DIS3L2: variants seen among roughly 807,000 people sequenced by gnomAD.
The protein encoded by DIS3L2 is DIS3 like 3'-5' exoribonuclease 2, also known as DIS3-like exonuclease 2.
Under a neutral mutation model 97.5 loss-of-function variants are expected in DIS3L2, and 34 were observed. That is an observed-to-expected ratio of 0.35 (90% CI 0.27 to 0.46). DIS3L2 has a LOEUF of 0.46. DIS3L2 is among the 20% of genes least tolerant of loss of function. The probability of loss-of-function intolerance (pLI) is 1.00; values close to 1 mark genes in which losing one functional copy is unlikely to be tolerated. For missense variants in DIS3L2, 1,038 were observed against 1,146.0 expected (o/e 0.91, Z 1.36); for synonymous variants, 435 against 445.2 (o/e 0.98, Z 0.29).
chr2:232,181,849 A>G (rs563249101), intron 9 of DIS3L2, among the ~76,000 whole-genome samples: 182 of 151,980 alleles, frequency 1.2e-3, no homozygotes, highest in South Asian at 0.011. Flanking sequence ...ATGGGGTTTC[A>G]CCATGTTGGC....
chr2:232,241,139 C>G (rs1693069582), intron 11 of DIS3L2, among the ~76,000 whole-genome samples: 1 of 152,236 alleles, frequency 6.6e-6, no homozygotes, highest in African/African-American at 2.4e-5. Flanking sequence ...TTCCTTTGAA[C>G]CGCTGCTCTG....
In DIS3L2 at chr2:232,296,409, CA is replaced by C. The variant is rs151035458; in HGVS notation, c.1660-3630del. Among the ~76,000 whole-genome samples, 386 of 152,304 alleles carry C rather than the reference CA, an allele frequency of 2.5e-3. 1 individual carries two copies. The highest frequency in any genetic ancestry group is 8.7e-3 in the African/African-American group (363 of 41,574). On this transcript the variant is annotated intron_variant, in intron 13 of 20. Transcript: ENST00000325385. ...AATACCTAATTTAAGTGGTTTTTGTCAGGATAAAGGAAAGCCTTTACTTGGT... is the reference window on the plus strand; with the variant it reads ...AATACCTAATTTAAGTGGTTTTTGTCGGATAAAGGAAAGCCTTTACTTGGT...
chr2:232,329,637 G>A (rs566249662), intron 14 of DIS3L2, 176 bp from the exon 15 acceptor site: 3 of 601,870 alleles, frequency 5.0e-6, no homozygotes, highest in Non-Finnish European at 5.5e-6. Context: ...GACCATGGGG[G>A]TGCTGGGCAA....
chr2:232,069,097 G>A (rs984727626), intron 5 of DIS3L2, among the ~76,000 whole-genome samples: 3 of 152,080 alleles, frequency 2.0e-5, no homozygotes, highest in Non-Finnish European at 2.9e-5. Flanking sequence ...GATTACATGC[G>A]TGAGCCACCG....
intron 1 of DIS3L2, among the ~76,000 whole-genome samples, chr2:232,002,740 A>C (rs11693473): frequency 0.011 from 1,719 of 152,208 alleles, 19 homozygotes; most frequent in Non-Finnish European, 0.016. Flanking sequence ...TCTTTTACCT[A>C]GTTATCACCT....
At chr2:232,196,664 C>T (rs765967121) in intron 9 of DIS3L2, among the ~76,000 whole-genome samples, 1 of 151,642 alleles carries the variant, frequency 6.6e-6, no homozygotes, top group African/African-American at 2.4e-5. Flanking sequence ...AAAGAGACCA[C>T]TTTATCTTGC....
intron 5 of DIS3L2, among the ~76,000 whole-genome samples, chr2:232,068,998 T>A (rs568763792): frequency 7.9e-5 from 12 of 152,054 alleles, no homozygotes; most frequent in Admixed American, 5.9e-4. Flanking sequence ...TATATTTGTA[T>A]TAGAGACAGG....
At chr2:231,986,000 C>T (rs1390693321) in intron 1 of DIS3L2, among the ~76,000 whole-genome samples, 3 of 152,306 alleles carry the variant, frequency 2.0e-5, no homozygotes, top group East Asian at 1.9e-4. Flanking sequence ...CTTGCTGAGT[C>T]GTCTGGCTTT....
intron 14 of DIS3L2, 27 bp from the exon 15 acceptor site, chr2:232,329,786 C>CCCGGGGGGGCCA: frequency 2.3e-6 from 1 of 430,236 alleles, no homozygotes. Context: ...CCCCAGCGGT[C>CCCGGGGGGGCCA]CCTCCCATCC....
At chr2:232,308,877 C>G (rs1321056333) in intron 14 of DIS3L2, among the ~76,000 whole-genome samples, 1 of 152,184 alleles carries the variant, frequency 6.6e-6, no homozygotes, top group Non-Finnish European at 1.5e-5. Flanking sequence ...TAAAACCACA[C>G]TGCGGTTCTC....
chr2:232,133,050 G>A (rs1000470805), intron 7 of DIS3L2, among the ~76,000 whole-genome samples: 1 of 152,174 alleles, frequency 6.6e-6, no homozygotes, highest in Non-Finnish European at 1.5e-5. Context: ...GTCATAATGG[G>A]TGTGTGGTCC....
rs566097694 is a variant in DIS3L2, at chr2:232,268,301, C to G, written c.1659+4861C>G. ...GCAATTTTGAAACCCAAACTGCAGG[C>G]AGTTTCTTTGAGTGGACTTGATTGT... On this transcript the variant is annotated intron_variant, in intron 13 of 20. Transcript: ENST00000325385. The surrounding 1 kb of genome is among the most constrained non-coding windows in gnomAD (Gnocchi z 4.1). 6.6e-6 allele frequency among the ~76,000 whole-genome samples: 1 copy of G among 152,196 alleles called. No individual in the cohort carries two copies. Among genetic ancestry groups the G allele is most frequent in the South Asian group, 2.1e-4 (1 of 4,830 alleles).
At chr2:232,294,764 C>A (rs1694683894) in intron 13 of DIS3L2, among the ~76,000 whole-genome samples, 1 of 152,196 alleles carries the variant, frequency 6.6e-6, no homozygotes, top group Non-Finnish European at 1.5e-5. Flanking sequence ...GTAATTTGGG[C>A]CAAATACTTA....
chr2:232,083,486 T>G, intron 5 of DIS3L2, among the ~76,000 whole-genome samples: 1 of 149,024 alleles, frequency 6.7e-6, no homozygotes, highest in African/African-American at 2.5e-5. Context: ...TTGCATAATG[T>G]CTTCTTCTTC....
chr2:232,230,878 C>T (rs1462784261), intron 10 of DIS3L2, among the ~76,000 whole-genome samples: 2 of 152,124 alleles, frequency 1.3e-5, no homozygotes, highest in African/African-American at 4.8e-5. Flanking sequence ...GCTTTCCAGC[C>T]ACAGCTGTGT....
chr2:232,050,741 C>T (rs548877661), intron 5 of DIS3L2, among the ~76,000 whole-genome samples: 10 of 152,296 alleles, frequency 6.6e-5, no homozygotes, highest in East Asian at 5.8e-4. Flanking sequence ...CAGCTTTGTA[C>T]GTGGCACTGG....
chr2:232,083,285 C>A (rs1040505830), intron 5 of DIS3L2, among the ~76,000 whole-genome samples: 1 of 135,122 alleles, frequency 7.4e-6, no homozygotes, highest in Admixed American at 7.2e-5. Context: ...ATACCCCCCC[C>A]CCCCCCCCCC....
intron 10 of DIS3L2, among the ~76,000 whole-genome samples, chr2:232,226,659 A>G (rs1185344913): frequency 6.6e-6 from 1 of 152,124 alleles, no homozygotes; most frequent in Non-Finnish European, 1.5e-5. Context: ...CCACATCCAT[A>G]TCTATTACAA....
At position 232,043,534 on chromosome 2, in the gene DIS3L2, G is replaced by A. The variant is rs144975463; in HGVS notation, c.366+13454G>A. Among the ~76,000 whole-genome samples, 5 of 152,254 alleles carry A rather than the reference G, an allele frequency of 3.3e-5. No homozygotes were observed. In the South Asian group the frequency reaches 1.0e-3, roughly 32 times the overall value. On this transcript the variant is annotated intron_variant, in intron 5 of 20. Coordinates refer to ENST00000325385, the MANE Select transcript of DIS3L2 (RefSeq NM_152383.5). The stretch of plus-strand genomic sequence containing the variant: ...GCCATCTGAAAAGAGTATGACACTG[G>A]TCATGGCAAAAGCTTCAATATTGCT...
Sources: allele counts gnomAD v4.1 joint callset (sites outside exome capture counted in the v4.1 genomes callset), GRCh38; gene constraint gnomAD v4.1.1; non-coding constraint Gnocchi (gnomAD v3.1); transcripts MANE v1.5; gene names NCBI Gene and HGNC (gene_info 2026-07-23, HGNC 2026-07-21).